Variants in CACNB3 observed in about 807,000 individuals in gnomAD.
The protein encoded by CACNB3 is calcium voltage-gated channel auxiliary subunit beta 3.
A neutral mutation model predicts 63.7 loss-of-function variants in CACNB3; 36 were observed. The ratio of observed to expected loss-of-function variants is 0.57; its 90% CI spans 0.43 to 0.75. CACNB3 has a LOEUF of 0.75. CACNB3 is among the 30% of genes least tolerant of loss of function. The probability of loss-of-function intolerance (pLI) is 0.00; values close to 1 mark genes in which losing one functional copy is unlikely to be tolerated. For missense variants in CACNB3, 493 were observed against 648.6 expected (o/e 0.76, Z 2.61); for synonymous variants, 241 against 250.6 (o/e 0.96, Z 0.36).
Position 48,825,170 on chromosome 12 carries a change from A to G in CACNB3, c.500A>G (p.His167Arg), listed in dbSNP as rs753586285. The G allele has an allele frequency of 2.5e-6, 4 of 1,613,920 alleles. No individual in the cohort carries two copies. Among genetic ancestry groups the G allele is most frequent in the Non-Finnish European group, 3.4e-6 (4 of 1,180,000 alleles). ...CTCATGTCCATTCTGCAGGCGGAAC[A>G]TGTTCCCCCATATGACGTGGTGCCC... The part of the protein sequence containing the change: ...LAKQKQKQAE[H>R]VPPYDVVPSM... Residue 167 changes from histidine (H) to arginine (R), a missense_variant, in exon 7 of 13, where the codon CAT (histidine) becomes CGT (arginine). Transcript: ENST00000301050. This position sits in a 1 kb window ranked among gnomAD's most constrained non-coding sequence, Gnocchi z 4.5.
rs1312648013 is a variant in CACNB3, at chr12:48,823,674, T to G, written c.169-7T>G. On this transcript the variant is annotated splice_region_variant and splice_polypyrimidine_tract_variant and intron_variant, in intron 2 of 12. Coordinates refer to ENST00000301050, the MANE Select transcript of CACNB3 (RefSeq NM_000725.4). This position sits in a 1 kb window ranked among gnomAD's most constrained non-coding sequence, Gnocchi z 4.2. ...CTCTCACTTGCACTAATGGGCAAAT[T>G]CTCCAGCACAAACCTGTGGCATTTG... The G allele has an allele frequency of 6.2e-7, 1 of 1,613,914 alleles. No individual in the cohort carries two copies. The highest frequency in any genetic ancestry group is 8.5e-7 in the Non-Finnish European group (1 of 1,180,002).
At chr12:48,817,588 T>C (rs1178963541), upstream of CACNB3, among the ~76,000 whole-genome samples, 2 of 152,214 alleles carry the variant, frequency 1.3e-5, no homozygotes. Context: ...TGGGTGGATC[T>C]TTGGGGAAAG....
At position 48,824,320 on chromosome 12, in the gene CACNB3, C is replaced by T; in HGVS notation, c.354C>T (p.Ile118=). 1.9e-6 allele frequency: 3 copies of T among 1,612,566 alleles called. No individual in the cohort carries two copies. The highest frequency in any genetic ancestry group is 2.5e-6 in the Non-Finnish European group (3 of 1,179,578). ...AAGAGGGCGGGGACATCGCCTTCAT[C>T]CCCAGCCCCCAGCGCCTGGAGAGCA... The part of the protein sequence containing the change: ...LVKEGGDIAF[I]PSPQRLESIR... Residue 118 remains isoleucine (I), a synonymous_variant, in exon 4 of 13, where the codon ATC becomes ATT. Coordinates refer to ENST00000301050, the MANE Select transcript of CACNB3 (RefSeq NM_000725.4).
Position 48,823,291 on chromosome 12 carries a change from C to CA in CACNB3, c.46-52dup. ...CACTGTAAGGTGAGGAGGGTGCCTC[C>CA]ATGGCATCCTTCATGCCGGAGCCTG... is the stretch of plus-strand genomic sequence containing the variant. On this transcript the variant is annotated intron_variant, in intron 1 of 12. Transcript: ENST00000301050. This position sits in a 1 kb window ranked among gnomAD's most constrained non-coding sequence, Gnocchi z 4.2. 1.3e-6 allele frequency: 2 copies of CA among 1,596,664 alleles called. No homozygotes were observed. The highest frequency in any genetic ancestry group is 1.7e-6 in the Non-Finnish European group (2 of 1,170,840).
Position 48,828,079 on chromosome 12 carries a change from C to T in CACNB3, c.*180C>T. 4.9e-6 allele frequency: 3 copies of T among 616,560 alleles called. No individual in the cohort carries two copies. The highest frequency in any genetic ancestry group is 1.8e-5 in the African/African-American group (1 of 54,288). The allele number at this position is 616,560 out of a possible 1,614,324, so 38.2% of individuals were successfully genotyped here. On this transcript the variant is annotated 3_prime_UTR_variant, in exon 13 of 13. Transcript: ENST00000301050. ...AGGTTCTGGGAGAAACAGGGGACCC[C>T]CTCACCTCCTGGGCAGTGACCCCTA...
intron 1 of CACNB3, 70 bp downstream of exon 1, chr12:48,819,044 C>A: frequency 6.6e-7 from 1 of 1,523,512 alleles, no homozygotes; most frequent in East Asian, 2.4e-5. Context: ...AACCCTTTCC[C>A]CGGTTCAGGA....
rs1397666872 is a variant in CACNB3 at position 48,826,740 on chromosome 12, C to T, written c.895-19C>T. On this transcript the variant is annotated intron_variant, in intron 10 of 12. Transcript: ENST00000301050. This position sits in a 1 kb window ranked among gnomAD's most constrained non-coding sequence, Gnocchi z 4.8. Reference sequence around the variant, plus strand: ...GAGTCCTGAGAGACTCCAGGCCTAGCTCTGCCCTCCCCGCTCAGGTACTCC... The same window carrying T: ...GAGTCCTGAGAGACTCCAGGCCTAGTTCTGCCCTCCCCGCTCAGGTACTCC... The T allele has an allele frequency of 6.2e-7, 1 of 1,604,278 alleles. No homozygotes were observed. Among genetic ancestry groups the T allele is most frequent in the South Asian group, 1.1e-5 (1 of 90,864 alleles).
rs751912348 is a variant in CACNB3, at chr12:48,824,393, TCAGTAAACA to T, written c.407+23_407+31del. 2 of 1,573,070 alleles carry T rather than the reference TCAGTAAACA, an allele frequency of 1.3e-6. No individual in the cohort carries two copies. Among genetic ancestry groups the T allele is most frequent in the East Asian group, 4.6e-5 (2 of 43,720 alleles). ...GGCCAGGTGAGAGTTGGGCCATGAGTCAGTAAACACACCCCAAACACTTGCACTGTACCC... is the reference window on the plus strand; with the variant it reads ...GGCCAGGTGAGAGTTGGGCCATGAGTCACCCCAAACACTTGCACTGTACCC... On this transcript the variant is annotated intron_variant, in intron 4 of 12. Transcript: ENST00000301050.
Position 48,818,596 on chromosome 12 carries a change from G to A in CACNB3, c.-334G>A. ...CTCCCGGCCTGGCCCGGGCTCCCCGGTGGCCGCCGCCCCCTCGCCGCCCCC... is the reference window on the plus strand; with the variant it reads ...CTCCCGGCCTGGCCCGGGCTCCCCGATGGCCGCCGCCCCCTCGCCGCCCCC... On this transcript the variant is annotated 5_prime_UTR_variant, in exon 1 of 13. In the 5' UTR this introduces an upstream ATG that the reference lacks. Coordinates refer to ENST00000301050, the MANE Select transcript of CACNB3 (RefSeq NM_000725.4). This position sits in a 1 kb window ranked among gnomAD's most constrained non-coding sequence, Gnocchi z 4.3. 2.7e-6 allele frequency: 3 copies of A among 1,091,318 alleles called. No individual in the cohort carries two copies. Among genetic ancestry groups the A allele is most frequent in the Non-Finnish European group, 2.2e-6 (2 of 898,796 alleles). 67.6% of individuals were successfully genotyped at this position (1,091,318 alleles called of 1,614,324 possible). A position where few individuals can be genotyped will look rare whatever the true frequency, so the allele number is the denominator to read the frequency against.
chr12:48,824,565 G>A, intron 4 of CACNB3, 104 bp from the exon 5 acceptor site: 1 of 1,229,764 alleles, frequency 8.1e-7, no homozygotes, highest in South Asian at 1.3e-5. Context: ...TGTCTCACTA[G>A]ATAAAGCATA....
rs1165622470 is a variant in CACNB3, at chr12:48,828,134, T to C, written c.*235T>C. The C allele has an allele frequency of 1.7e-6, 1 of 577,672 alleles. No individual in the cohort carries two copies. Among genetic ancestry groups the C allele is most frequent in the Non-Finnish European group, 3.1e-6 (1 of 322,548 alleles). 35.8% of individuals were successfully genotyped at this position (577,672 alleles called of 1,614,324 possible). On this transcript the variant is annotated 3_prime_UTR_variant, in exon 13 of 13. Transcript: ENST00000301050. ...GCTCCCATTCCAGGTACTAGCTGTG[T>C]GTTCTGCACCCCTGGCACCTTCCTC...
Position 48,827,099 on chromosome 12 carries a change from T to C in CACNB3, c.1116T>C (p.Pro372=), listed in dbSNP as rs570297562. ...HPAPGPGLLG[P]PSAIPGLQNQ... Reference sequence around the variant, plus strand: ...CCCCTGGCCCCGGACTTCTGGGTCCTCCCAGTGCCATCCCCGGACTTCAGG... The same window carrying C: ...CCCCTGGCCCCGGACTTCTGGGTCCCCCCAGTGCCATCCCCGGACTTCAGG... The change falls in exon 12 of 13, where the codon CCT becomes CCC. Residue 372 remains proline, a synonymous_variant. Coordinates refer to ENST00000301050, the MANE Select transcript of CACNB3 (RefSeq NM_000725.4). 3.7e-6 allele frequency: 6 copies of C among 1,612,814 alleles called. No homozygotes were observed. In the South Asian group the frequency reaches 6.6e-5, roughly 18 times the overall value.
chr12:48,826,577 G>T lies in CACNB3; in HGVS notation c.894+59G>T. ...GGGCTATCCTACTAGAATGTGGCATGATTCTACTTGGTCCCTGCCTGGGGC... is the reference window on the plus strand; with the variant it reads ...GGGCTATCCTACTAGAATGTGGCATTATTCTACTTGGTCCCTGCCTGGGGC... On this transcript the variant is annotated intron_variant, in intron 10 of 12. Coordinates refer to ENST00000301050, the MANE Select transcript of CACNB3 (RefSeq NM_000725.4). This position sits in a 1 kb window ranked among gnomAD's most constrained non-coding sequence, Gnocchi z 4.8. The T allele has an allele frequency of 1.3e-6, 2 of 1,599,182 alleles. No homozygotes were observed. Among genetic ancestry groups the T allele is most frequent in the Non-Finnish European group, 1.7e-6 (2 of 1,168,124 alleles).
chr12:48,815,424 A>C, upstream of CACNB3: 3 of 667,980 alleles, frequency 4.5e-6, no homozygotes, highest in East Asian at 3.2e-5. Flanking sequence ...GAGAGACGGA[A>C]GTGGAGAGAG....
upstream of CACNB3, chr12:48,814,785 C>T (rs1942245734): frequency 4.8e-6 from 2 of 418,288 alleles, no homozygotes; most frequent in East Asian, 3.6e-5. The surrounding 1 kb of genome is among the most constrained non-coding windows in gnomAD (Gnocchi z 6.9). Context: ...AGGGCCGGAC[C>T]CTGCGGCCCC....
chr12:48,827,195 C>A (rs1592193953), intron 12 of CACNB3, 72 bp downstream of exon 12: 1 of 1,546,430 alleles, frequency 6.5e-7, no homozygotes, highest in East Asian at 2.2e-5. Context: ...GCCCAGAGGA[C>A]TGTCCTTGGC....
chr12:48,822,936 A>G (rs1322957928), intron 1 of CACNB3, among the ~76,000 whole-genome samples: 2 of 152,202 alleles, frequency 1.3e-5, no homozygotes, highest in African/African-American at 4.8e-5. Context: ...GATGATGTCC[A>G]GGCTGCTTTG....
chr12:48,827,454 C>G, intron 12 of CACNB3, 131 bp from the exon 13 acceptor site: 1 of 941,418 alleles, frequency 1.1e-6, no homozygotes, highest in East Asian at 2.6e-5. Context: ...AAAAATGCTC[C>G]AGCATGCTTT....
intron 3 of CACNB3, 81 bp from the exon 4 acceptor site, chr12:48,824,177 C>T (rs560313978): frequency 4.3e-6 from 5 of 1,155,408 alleles, no homozygotes; most frequent in Middle Eastern, 2.4e-4. Context: ...GTGACTGCCT[C>T]GCTGGCTCCT....
Sources: gnomAD v4.1 joint callset for allele counts (sites outside exome capture counted in the v4.1 genomes callset) on GRCh38, gnomAD v4.1.1 for gene constraint, Gnocchi (gnomAD v3.1) non-coding constraint, MANE v1.5 for transcripts, NCBI Gene and HGNC (gene_info 2026-07-23, HGNC 2026-07-21) for gene names.